The following PCDHGA6 variants were observed in gnomAD, a reference collection of about 807,000 sequenced individuals.
The protein encoded by PCDHGA6 is protocadherin gamma-A6.
Under a neutral mutation model 60.6 loss-of-function variants are expected in PCDHGA6, and 41 were observed. The observed-to-expected ratio is 0.68, with a 90% CI of 0.53 to 0.88. The LOEUF (loss-of-function observed/expected upper bound fraction) is 0.88, where lower values mean the gene tolerates loss of function less well. Among genes scored for constraint, PCDHGA6 ranks in the 40% least tolerant of loss-of-function variants. The pLI, the probability that PCDHGA6 is intolerant of heterozygous loss-of-function variation, is 0.00. For synonymous variants in PCDHGA6, 594 were observed against 524.4 expected, an observed-to-expected ratio of 1.13 and a Z score of -1.81; for missense variants, 1,312 against 1,203.0, an observed-to-expected ratio of 1.09 and a Z score of -1.34.
Position 141,384,146 on chromosome 5 carries a change from C to G in PCDHGA6, c.2424+7639C>G, listed in dbSNP as rs369384722. 2.5e-6 allele frequency: 4 copies of G among 1,613,166 alleles called. No homozygotes were observed. The East Asian group carries it at 6.7e-5, about 27-fold the overall frequency. Reference sequence around the variant, plus strand: ...AAAAACTTGGACCGGGAAACACTCTCTTTGTATAACATCACACTGAAAGCC... The same window carrying G: ...AAAAACTTGGACCGGGAAACACTCTGTTTGTATAACATCACACTGAAAGCC... On this transcript the variant is annotated intron_variant, in intron 1 of 3. Transcript: ENST00000517434.
rs2099661624 is a variant in PCDHGA6, at chr5:141,487,712, G to A, written c.2425-7095G>A. The stretch of plus-strand genomic sequence containing the variant: ...AGAGAGTACTGGCCTCTCAGTAAGT[G>A]CCCATAGTGATGTCACCATTTTTGT... On this transcript the variant is annotated intron_variant, in intron 1 of 3. Coordinates refer to ENST00000517434, the MANE Select transcript of PCDHGA6 (RefSeq NM_018919.3). The surrounding 1 kb of genome is among the most constrained non-coding windows in gnomAD (Gnocchi z 5.0). The A allele has an allele frequency of 5.0e-6, 8 of 1,585,892 alleles. No individual in the cohort carries two copies. The highest frequency in any genetic ancestry group is 1.1e-5 in the South Asian group (1 of 87,950).
chr5:141,421,227 C>T (rs1387397967), intron 1 of PCDHGA6: 1 of 1,587,020 alleles, frequency 6.3e-7, no homozygotes, highest in Non-Finnish European at 8.6e-7. Context: ...TAGAGCCTGC[C>T]ATGGCGAATC....
intron 1 of PCDHGA6, chr5:141,388,882 T>C (rs1038312572): frequency 6.2e-7 from 1 of 1,613,800 alleles, no homozygotes; most frequent in Non-Finnish European, 8.5e-7. Context: ...ACAGTGGAGG[T>C]AGAAGTCATA....
chr5:141,432,974 C>T lies in PCDHGA6; in HGVS notation c.2424+56467C>T. ...CGGCTTGACAGGAGCGCCGGCGTCG[C>T]ACTTTGTGGGCGTGGACGGGGTGCA... On this transcript the variant is annotated intron_variant, in intron 1 of 3. Coordinates refer to ENST00000517434, the MANE Select transcript of PCDHGA6 (RefSeq NM_018919.3). This position sits in a 1 kb window ranked among gnomAD's most constrained non-coding sequence, Gnocchi z 6.0. 6.2e-7 allele frequency: 1 copy of T among 1,614,204 alleles called. No individual in the cohort carries two copies. Among genetic ancestry groups the T allele is most frequent in the Non-Finnish European group, 8.5e-7 (1 of 1,180,030 alleles).
rs1772387950 is a variant in PCDHGA6 at position 141,376,183 on chromosome 5, C to G, written c.2100C>G (p.Val700=). The change falls in exon 1 of 4, where the codon GTC becomes GTG. Residue 700 remains valine, a synonymous_variant. Coordinates refer to ENST00000517434, the MANE Select transcript of PCDHGA6 (RefSeq NM_018919.3). The part of the protein sequence containing the change: ...TLYLVVAVAA[V]SCVFLAFVIV... Reference sequence around the variant, plus strand: ...ACCTGGTGGTGGCGGTGGCCGCGGTCTCCTGCGTCTTCCTGGCCTTCGTCA... The same window carrying G: ...ACCTGGTGGTGGCGGTGGCCGCGGTGTCCTGCGTCTTCCTGGCCTTCGTCA... 1 of 1,614,148 alleles carries G rather than the reference C, an allele frequency of 6.2e-7. No homozygotes were observed. Among genetic ancestry groups the G allele is most frequent in the Admixed American group, 1.7e-5 (1 of 60,026 alleles).
chr5:141,374,935 T>C lies in PCDHGA6; in HGVS notation c.852T>C (p.Ile284=). The C allele has an allele frequency of 6.2e-7, 1 of 1,614,020 alleles. No homozygotes were observed. Among genetic ancestry groups the C allele is most frequent in the East Asian group, 2.2e-5 (1 of 44,894 alleles). ...HGEVTYSFVK[I]TEKISQIFCL... ...AAGTAACTTATTCCTTTGTGAAGATTACAGAAAAGATCTCACAAATTTTCT... is the reference window on the plus strand; with the variant it reads ...AAGTAACTTATTCCTTTGTGAAGATCACAGAAAAGATCTCACAAATTTTCT... Residue 284 remains isoleucine (I), a synonymous_variant, in exon 1 of 4, where the codon ATT becomes ATC. Transcript: ENST00000517434.
Position 141,432,502 on chromosome 5 carries a change from C to T in PCDHGA6, c.2424+55995C>T. On this transcript the variant is annotated intron_variant, in intron 1 of 3. Transcript: ENST00000517434. This position sits in a 1 kb window ranked among gnomAD's most constrained non-coding sequence, Gnocchi z 6.0. ...CTGGCGTGGAGCTGGCTCCCCGCTC[C>T]GCAGAGCCCGGCTACCTGGTGACCA... 6.2e-7 allele frequency: 1 copy of T among 1,614,142 alleles called. No individual in the cohort carries two copies. The highest frequency in any genetic ancestry group is 8.5e-7 in the Non-Finnish European group (1 of 1,180,042).
At chr5:141,497,839 A>G (rs1399696596) in intron 2 of PCDHGA6, among the ~76,000 whole-genome samples, 1 of 152,044 alleles carries the variant, frequency 6.6e-6, no homozygotes, top group East Asian at 1.9e-4. Flanking sequence ...CCCGGCCACA[A>G]CAAACATTTT....
intron 1 of PCDHGA6, among the ~76,000 whole-genome samples, chr5:141,406,933 T>C (rs1034700573): frequency 6.6e-6 from 1 of 152,218 alleles, no homozygotes; most frequent in African/African-American, 2.4e-5. Flanking sequence ...ATGTATTATT[T>C]AATGTTATTT....
At chr5:141,420,073 G>A (rs2096463936) in intron 1 of PCDHGA6, 23 of 1,613,964 alleles carry the variant, frequency 1.4e-5, no homozygotes, top group Non-Finnish European at 1.9e-5. Context: ...CCGGACCTGT[G>A]GGTCCCCCCA....
intron 1 of PCDHGA6, among the ~76,000 whole-genome samples, chr5:141,386,767 T>A (rs749741311): frequency 5.3e-5 from 8 of 152,202 alleles, no homozygotes; most frequent in Non-Finnish European, 1.0e-4. Flanking sequence ...TTATAAGGTA[T>A]TTTGTAAAAG....
chr5:141,454,669 AC>A (rs1292139052), intron 1 of PCDHGA6, among the ~76,000 whole-genome samples: 1 of 151,212 alleles, frequency 6.6e-6, no homozygotes, highest in African/African-American at 2.4e-5. Context: ...GCCTCCCAAA[AC>A]ACTGGGATTA....
intron 1 of PCDHGA6, chr5:141,421,916 G>A (rs754653877): frequency 2.5e-6 from 4 of 1,613,646 alleles, no homozygotes; most frequent in Non-Finnish European, 2.5e-6. Flanking sequence ...GTTCCCATTC[G>A]TGTGGTGGTC....
At chr5:141,405,114 C>T in intron 1 of PCDHGA6, 1 of 1,613,970 alleles carries the variant, frequency 6.2e-7, no homozygotes, top group Non-Finnish European at 8.5e-7. Flanking sequence ...CACTGGCACT[C>T]CTCGCATCTG....
At chr5:141,399,751 G>T (rs564705346) in intron 1 of PCDHGA6, 2 of 1,613,322 alleles carry the variant, frequency 1.2e-6, no homozygotes, top group Non-Finnish European at 1.7e-6. Context: ...CAGCGCAAAC[G>T]TGAGCCTGCG....
chr5:141,488,606 C>T (rs781116401), intron 1 of PCDHGA6, among the ~76,000 whole-genome samples: 2 of 152,156 alleles, frequency 1.3e-5, no homozygotes, highest in Admixed American at 1.3e-4. Flanking sequence ...TTACAAGGTT[C>T]TTACTAATCT....
At chr5:141,427,249 G>A (rs1417336994) in intron 1 of PCDHGA6, 1 of 456,742 alleles carries the variant, frequency 2.2e-6, no homozygotes, top group African/African-American at 2.0e-5. Context: ...GCTAAGGATG[G>A]TGGAGGCATG....
At chr5:141,419,117 G>A (rs1362880648) in intron 1 of PCDHGA6, 2 of 1,613,836 alleles carry the variant, frequency 1.2e-6, no homozygotes, top group Non-Finnish European at 1.7e-6. Flanking sequence ...AGAGTACAAC[G>A]TCACCATCGC....
At chr5:141,441,494 ACCAGG>A (rs1325946941) in intron 1 of PCDHGA6, 1 of 170,360 alleles carries the variant, frequency 5.9e-6, no homozygotes, top group Non-Finnish European at 1.3e-5. Flanking sequence ...CTGGTTTTCT[ACCAGG>A]CCTCCTACGT....
Sources: gnomAD v4.1 joint callset for allele counts (sites outside exome capture counted in the v4.1 genomes callset) on GRCh38, gnomAD v4.1.1 for gene constraint, Gnocchi (gnomAD v3.1) non-coding constraint, MANE v1.5 for transcripts, NCBI Gene and HGNC (gene_info 2026-07-23, HGNC 2026-07-21) for gene names.